MARK1: variants seen among roughly 807,000 people sequenced by gnomAD.
MARK1 encodes microtubule affinity regulating kinase 1, also known as serine/threonine-protein kinase MARK1.
In MARK1, 40 loss-of-function variants were observed where a neutral mutation model predicts 96.3. The ratio of observed to expected loss-of-function variants is 0.42; its 90% CI spans 0.32 to 0.54. The LOEUF (loss-of-function observed/expected upper bound fraction) is 0.54. Ranked by LOEUF, MARK1 falls within the 20% of genes least tolerant of loss-of-function variation. MARK1 has a pLI of 0.16. For synonymous variants in MARK1, 317 were observed against 341.2 expected (o/e 0.93, Z 0.78); for missense variants, 719 against 984.6 (o/e 0.73, Z 3.61).
At chr1:220,658,728 A>G (rs148248581) in intron 17 of MARK1, among the ~76,000 whole-genome samples, 175 of 152,362 alleles carry the variant, frequency 1.1e-3, no homozygotes, top group African/African-American at 4.1e-3. Flanking sequence ...GTTACTTAAA[A>G]TATAAAACAT....
chr1:220,617,761 T>C (rs1327762823), intron 7 of MARK1, among the ~76,000 whole-genome samples: 1 of 152,210 alleles, frequency 6.6e-6, no homozygotes, highest in Non-Finnish European at 1.5e-5. Context: ...TTTTTGGTCA[T>C]GTTTTACTGA....
chr1:220,648,478 T>C (rs1668700713), intron 13 of MARK1, among the ~76,000 whole-genome samples: 1 of 152,336 alleles, frequency 6.6e-6, no homozygotes, highest in Non-Finnish European at 1.5e-5. Context: ...TTAAATTTCC[T>C]TGGGGAAATA....
At chr1:220,656,031 A>G (rs548390590) in intron 16 of MARK1, among the ~76,000 whole-genome samples, 1 of 152,172 alleles carries the variant, frequency 6.6e-6, no homozygotes, top group East Asian at 1.9e-4. Context: ...TCTACACCAA[A>G]CCTTATGATT....
chr1:220,661,964 A>G lies in MARK1; in HGVS notation c.2186A>G (p.Asn729Ser), dbSNP rs1669505361. The G allele has an allele frequency of 6.2e-7, 1 of 1,614,218 alleles. No individual in the cohort carries two copies. Among genetic ancestry groups the G allele is most frequent in the African/African-American group, 1.3e-5 (1 of 75,042 alleles). The change falls in exon 18 of 18, where the codon AAC becomes AGC. Residue 729 changes from asparagine to serine, a missense_variant. By Grantham distance (46) the Asn-to-Ser change is conservative. Transcript: ENST00000366917. ...ATCCGAAAAGTGTTAGATGCAAATAACTGTGATTATGAGCAAAAAGAGAGA... is the reference window on the plus strand; with the variant it reads ...ATCCGAAAAGTGTTAGATGCAAATAGCTGTGATTATGAGCAAAAAGAGAGA... ...REIRKVLDAN[N>S]CDYEQKERFL...
intron 1 of MARK1, among the ~76,000 whole-genome samples, chr1:220,535,595 A>G (rs1558241347): frequency 6.6e-6 from 1 of 152,156 alleles, no homozygotes; most frequent in Admixed American, 6.5e-5. Context: ...GTCAAGACCA[A>G]TATCATGAAG....
At chr1:220,604,562 T>C (rs1030574121) in intron 6 of MARK1, among the ~76,000 whole-genome samples, 3 of 152,014 alleles carry the variant, frequency 2.0e-5, no homozygotes, top group Non-Finnish European at 4.4e-5. Flanking sequence ...TGTTTTGGTG[T>C]TTAAACTCAT....
chr1:220,642,264 A>T (rs189251454), intron 13 of MARK1, among the ~76,000 whole-genome samples: 1 of 152,210 alleles, frequency 6.6e-6, no homozygotes, highest in Non-Finnish European at 1.5e-5. Context: ...GGCAACCGCC[A>T]TTACTGCAGC....
intron 1 of MARK1, among the ~76,000 whole-genome samples, chr1:220,566,511 GT>G (rs1172201374): frequency 6.6e-6 from 1 of 152,100 alleles, no homozygotes; most frequent in Non-Finnish European, 1.5e-5. Flanking sequence ...CGTTGCTGGG[GT>G]TTTTTGTTTT....
chr1:220,528,505 C>T lies in MARK1; in HGVS notation c.-318C>T, dbSNP rs2102674642. On this transcript the variant is annotated 5_prime_UTR_variant, in exon 1 of 18. Transcript: ENST00000366917. ...AGCCTAGCGGGGCTCGCCACCGCCT[C>T]CCGGCTCCCCTTCCACGCCTCATCC... 2.5e-6 allele frequency: 1 copy of T among 400,826 alleles called. No individual in the cohort carries two copies. The highest frequency in any genetic ancestry group is 4.4e-6 in the Non-Finnish European group (1 of 224,776). The allele number at this position is 400,826 out of a possible 1,614,324, so 24.8% of individuals were successfully genotyped here.
chr1:220,609,283 G>T (rs1396484718), intron 6 of MARK1, among the ~76,000 whole-genome samples: 1 of 152,158 alleles, frequency 6.6e-6, no homozygotes, highest in Non-Finnish European at 1.5e-5. Context: ...TCTTCTTGTT[G>T]AATTGATCCC....
At chr1:220,624,274 G>A (rs1271943236) in intron 9 of MARK1, among the ~76,000 whole-genome samples, 1 of 137,084 alleles carries the variant, frequency 7.3e-6, no homozygotes, top group Non-Finnish European at 1.5e-5. Flanking sequence ...CTCCAGCCTG[G>A]GAAACAGAAT....
chr1:220,620,494 G>A (rs1211647526), intron 9 of MARK1, among the ~76,000 whole-genome samples: 1 of 152,090 alleles, frequency 6.6e-6, no homozygotes, highest in African/African-American at 2.4e-5. Context: ...TAGCTAATGA[G>A]CAGAGCAAAA....
chr1:220,566,294 G>T (rs1178167597), intron 1 of MARK1, among the ~76,000 whole-genome samples: 1 of 152,122 alleles, frequency 6.6e-6, no homozygotes, highest in African/African-American at 2.4e-5. Flanking sequence ...AAATGGAAGA[G>T]AAGTGACCAG....
chr1:220,611,663 C>CAG (rs1177080312), intron 6 of MARK1, among the ~76,000 whole-genome samples: 1 of 152,202 alleles, frequency 6.6e-6, no homozygotes, highest in Non-Finnish European at 1.5e-5. Context: ...AGCTGCAGAC[C>CAG]AGAGGTCTTC....
chr1:220,573,444 C>T (rs1188178569), intron 1 of MARK1, among the ~76,000 whole-genome samples: 1 of 152,146 alleles, frequency 6.6e-6, no homozygotes, highest in African/African-American at 2.4e-5. Context: ...CTGCCTTAGC[C>T]TCCTGAGTAG....
intron 15 of MARK1, 85 bp from the exon 16 acceptor site, chr1:220,653,016 A>G (rs1336046556): frequency 7.5e-6 from 11 of 1,459,328 alleles, no homozygotes; most frequent in South Asian, 1.2e-5. Context: ...AGAAGTAGCC[A>G]TAGCTATTTG....
intron 1 of MARK1, among the ~76,000 whole-genome samples, chr1:220,564,083 TG>T (rs1188371057): frequency 1.3e-5 from 2 of 152,280 alleles, no homozygotes; most frequent in East Asian, 3.9e-4. Flanking sequence ...ATTAGTTTAG[TG>T]AGAGACAAAG....
Position 220,528,646 on chromosome 1 carries a change from T to C in MARK1, c.-177T>C. The C allele has an allele frequency of 1.9e-6, 1 of 520,268 alleles. No homozygotes were observed. The highest frequency in any genetic ancestry group is 3.4e-6 in the Non-Finnish European group (1 of 297,830). The allele number at this position is 520,268 out of a possible 1,614,324, so 32.2% of individuals were successfully genotyped here. ...GGGAAGCGGCTCCCCCTCCTCTTCCTCCGCGTCCTCTTCCCTCTTTCCCCC... is the reference window on the plus strand; with the variant it reads ...GGGAAGCGGCTCCCCCTCCTCTTCCCCCGCGTCCTCTTCCCTCTTTCCCCC... On this transcript the variant is annotated 5_prime_UTR_variant, in exon 1 of 18. Coordinates refer to ENST00000366917, the MANE Select transcript of MARK1 (RefSeq NM_018650.5).
intron 2 of MARK1, 131 bp from the exon 3 acceptor site, chr1:220,580,934 T>G (rs932977226): frequency 2.2e-5 from 8 of 362,964 alleles, no homozygotes; most frequent in Non-Finnish European, 3.6e-5. Context: ...TGTTACTATC[T>G]GATTATGTGA....
Sources: gnomAD v4.1 joint callset for allele counts (sites outside exome capture counted in the v4.1 genomes callset) on GRCh38, gnomAD v4.1.1 for gene constraint, MANE v1.5 for transcripts, NCBI Gene and HGNC (gene_info 2026-07-23, HGNC 2026-07-21) for gene names.